Variants in BAZ1B observed in about 807,000 individuals in gnomAD.
The protein encoded by BAZ1B is bromodomain adjacent to zinc finger domain 1B.
Under a neutral mutation model 153.8 loss-of-function variants are expected in BAZ1B, and 22 were observed. That is an observed-to-expected ratio of 0.14 (90% confidence interval 0.10 to 0.20). The LOEUF (loss-of-function observed/expected upper bound fraction) is 0.20. Ranked by LOEUF, BAZ1B falls within the 10% of genes least tolerant of loss-of-function variation. The pLI is 1.00. For missense variants in BAZ1B, 1,325 were observed against 1,799.3 expected, an observed-to-expected ratio of 0.74 and a Z score of 4.77; for synonymous variants, 676 against 633.4, an observed-to-expected ratio of 1.07 and a Z score of -1.01.
intron 13 of BAZ1B, among the ~76,000 whole-genome samples, 154 bp from the exon 14 acceptor site, chr7:73,451,148 G>A (rs1354586592): frequency 6.6e-6 from 1 of 152,140 alleles, no homozygotes; most frequent in Non-Finnish European, 1.5e-5. Flanking sequence ...AGGCTCCAAA[G>A]GGGGAAAAAA....
At chr7:73,511,368 C>T (rs2115569532) in intron 1 of BAZ1B, among the ~76,000 whole-genome samples, 1 of 152,090 alleles carries the variant, frequency 6.6e-6, no homozygotes, top group East Asian at 1.9e-4. Context: ...ATGGGCTGGG[C>T]ACCTGCATGG....
At chr7:73,482,946 G>T (rs1232986509) in intron 6 of BAZ1B, among the ~76,000 whole-genome samples, 1 of 152,166 alleles carries the variant, frequency 6.6e-6, no homozygotes, top group Non-Finnish European at 1.5e-5. Flanking sequence ...AGCCGGCATG[G>T]CTGGACTCAG....
At chr7:73,448,849 G>A (rs1295564839) in intron 15 of BAZ1B, among the ~76,000 whole-genome samples, 2 of 152,340 alleles carry the variant, frequency 1.3e-5, no homozygotes, top group African/African-American at 4.8e-5. Flanking sequence ...GCAATGGGAA[G>A]ACTAGAAGTT....
rs76944242 is a variant in BAZ1B, at chr7:73,499,616, C to T, written c.370-918G>A. ...ACGGAGGAGGCTGAGGCAGGAAGATCGCTTGAGCCCAGGTTTTTGAGGCTG... is the reference window on the plus strand; with the variant it reads ...ACGGAGGAGGCTGAGGCAGGAAGATTGCTTGAGCCCAGGTTTTTGAGGCTG... On this transcript the variant is annotated intron_variant, in intron 3 of 19. Coordinates refer to ENST00000339594, the MANE Select transcript of BAZ1B (RefSeq NM_032408.4). Among the ~76,000 whole-genome samples, 783 of 152,296 alleles carry T rather than the reference C, an allele frequency of 5.1e-3. 6 individuals carry two copies. Among genetic ancestry groups the T allele is most frequent in the Non-Finnish European group, 9.1e-3 (617 of 68,024 alleles).
At chr7:73,499,693 C>A (rs1420296235) in intron 3 of BAZ1B, among the ~76,000 whole-genome samples, 2 of 152,192 alleles carry the variant, frequency 1.3e-5, no homozygotes, top group Non-Finnish European at 2.9e-5. Context: ...CAGGGTGAGA[C>A]CCTATCTTGG....
In BAZ1B at chr7:73,494,276, G is replaced by A. The variant is rs183282975; in HGVS notation, c.572-1355C>T. ...CACGTGCCTGTAATCCCAGCTACTC[G>A]GGAGGCTGAGGCAGAAGAATTGCTT... On this transcript the variant is annotated intron_variant, in intron 4 of 19. Transcript: ENST00000339594. 1.5e-4 allele frequency among the ~76,000 whole-genome samples: 23 copies of A among 152,166 alleles called. No individual in the cohort carries two copies. The South Asian group carries it at 3.9e-3, about 26-fold the overall frequency.
At chr7:73,469,141 A>G (rs1788703062) in intron 9 of BAZ1B, among the ~76,000 whole-genome samples, 1 of 151,924 alleles carries the variant, frequency 6.6e-6, no homozygotes, top group Admixed American at 6.6e-5. Context: ...AAAAAAAAAA[A>G]AAAAAAGAAG....
At chr7:73,466,445 A>G in intron 9 of BAZ1B, 44 bp from the exon 10 acceptor site, 2 of 1,377,146 alleles carry the variant, frequency 1.5e-6, no homozygotes, top group Non-Finnish European at 2.1e-6. Flanking sequence ...TAAATACCCA[A>G]TTGCTAGTTT....
In BAZ1B at chr7:73,478,027, G is replaced by C; in HGVS notation, c.1434C>G (p.Leu478=). 3.7e-6 allele frequency: 6 copies of C among 1,614,136 alleles called. No homozygotes were observed. The highest frequency in any genetic ancestry group is 5.1e-6 in the Non-Finnish European group (6 of 1,180,002). ...CTTTGTTTTCTTTGTAGTATGCAAT[G>C]AGGTGTAGGGCTGCAGGAGGCAGAT... ...HKHLPPAALH[L]IAYYKENKDR... The change falls in exon 7 of 20, where the codon CTC becomes CTG. Residue 478 remains leucine, a synonymous_variant. Coordinates refer to ENST00000339594, the MANE Select transcript of BAZ1B (RefSeq NM_032408.4).
rs181119717 is a variant in BAZ1B at position 73,492,946 on chromosome 7, G to A, written c.572-25C>T. The stretch of plus-strand genomic sequence containing the variant: ...TCTAGTCAAATCATAGAAAATTAGT[G>A]AAAAACGTAATTATTTTAATCCTTT... On this transcript the variant is annotated intron_variant, in intron 4 of 19. Coordinates refer to ENST00000339594, the MANE Select transcript of BAZ1B (RefSeq NM_032408.4). 2.6e-6 allele frequency: 4 copies of A among 1,568,386 alleles called. No homozygotes were observed. In the African/African-American group the frequency reaches 4.2e-5, roughly 16 times the overall value.
At chr7:73,443,873 A>G (rs1056822835) in intron 17 of BAZ1B, 111 bp downstream of exon 17, 46 of 1,524,144 alleles carry the variant, frequency 3.0e-5, no homozygotes, top group East Asian at 1.1e-4. Context: ...GTTTGGTAAG[A>G]AGGAGGAGGG....
At chr7:73,492,371 C>A (rs1789685843) in intron 5 of BAZ1B, among the ~76,000 whole-genome samples, 1 of 151,968 alleles carries the variant, frequency 6.6e-6, no homozygotes, top group African/African-American at 2.4e-5. Context: ...ACCATGTTAG[C>A]CGGGATGGTC....
At chr7:73,505,594 A>G (rs1554577635) in intron 3 of BAZ1B, among the ~76,000 whole-genome samples, 3 of 152,082 alleles carry the variant, frequency 2.0e-5, no homozygotes, top group Non-Finnish European at 4.4e-5. Context: ...CAGTTCAAGC[A>G]TGATGGAGAA....
intron 13 of BAZ1B, among the ~76,000 whole-genome samples, chr7:73,452,550 G>C (rs1788057475): frequency 6.6e-6 from 1 of 151,700 alleles, no homozygotes; most frequent in Non-Finnish European, 1.5e-5. Flanking sequence ...GGTGAAACCT[G>C]GTCTCTACTA....
intron 13 of BAZ1B, among the ~76,000 whole-genome samples, chr7:73,453,736 G>T (rs567893898): frequency 6.6e-6 from 1 of 152,332 alleles, no homozygotes; most frequent in East Asian, 1.9e-4. Flanking sequence ...TGTAATCCTA[G>T]CACTCTGGGA....
chr7:73,497,710 AAAAG>A (rs201533187), intron 4 of BAZ1B, among the ~76,000 whole-genome samples: 61 of 152,312 alleles, frequency 4.0e-4, no homozygotes, highest in African/African-American at 1.4e-3. Context: ...AAAAAAAAGA[AAAAG>A]AAAAATTCCA....
intron 1 of BAZ1B, among the ~76,000 whole-genome samples, chr7:73,520,545 G>A (rs60576900): frequency 6.6e-6 from 1 of 152,122 alleles, no homozygotes; most frequent in African/African-American, 2.4e-5. Flanking sequence ...AACCAAGCCC[G>A]AGGACCCGAC....
chr7:73,501,010 G>T (rs550518965), intron 3 of BAZ1B, among the ~76,000 whole-genome samples: 1 of 151,708 alleles, frequency 6.6e-6, no homozygotes, highest in African/African-American at 2.4e-5. Context: ...TAATCCCAGC[G>T]CTTTGGGAGG....
intron 1 of BAZ1B, among the ~76,000 whole-genome samples, chr7:73,520,982 CT>C (rs1791013185): frequency 6.6e-6 from 1 of 152,144 alleles, no homozygotes; most frequent in Non-Finnish European, 1.5e-5. Flanking sequence ...AGCTGCACAA[CT>C]TTTCACTAAA....
Sources: allele counts gnomAD v4.1 joint callset (sites outside exome capture counted in the v4.1 genomes callset), GRCh38; gene constraint gnomAD v4.1.1; transcripts MANE v1.5; gene names NCBI Gene and HGNC (gene_info 2026-07-23, HGNC 2026-07-21).